The following DLG2 variants were observed in gnomAD, a reference collection of about 807,000 sequenced individuals.
DLG2 encodes discs large MAGUK scaffold protein 2.
A neutral mutation model predicts 132.5 loss-of-function variants in DLG2; 45 were observed. The ratio of observed to expected loss-of-function variants is 0.34; its 90% CI spans 0.27 to 0.44. The LOEUF is 0.44. DLG2 is among the 20% of genes least tolerant of loss of function. The pLI is 1.00. For synonymous variants in DLG2, 424 were observed against 419.6 expected (o/e 1.01, Z -0.13); for missense variants, 1,045 against 1,196.9 (o/e 0.87, Z 1.87).
intron 6 of DLG2, among the ~76,000 whole-genome samples, chr11:84,617,309 T>G (rs2099606222): frequency 6.6e-6 from 1 of 152,146 alleles, no homozygotes; most frequent in Non-Finnish European, 1.5e-5. Context: ...GCAAAAGACA[T>G]GAACTCATCC....
chr11:83,830,446 CAG>C (rs915818326), intron 17 of DLG2, among the ~76,000 whole-genome samples: 1 of 152,122 alleles, frequency 6.6e-6, no homozygotes, highest in Admixed American at 6.5e-5. Flanking sequence ...TTTATTTAAA[CAG>C]AGTTAGAGAG....
At chr11:83,742,436 A>G (rs1296238600) in intron 18 of DLG2, among the ~76,000 whole-genome samples, 1 of 152,128 alleles carries the variant, frequency 6.6e-6, no homozygotes, top group African/African-American at 2.4e-5. Context: ...TTAGCAGGAG[A>G]AGGTTAATTT....
At chr11:85,293,447 A>G (rs2079034699) in intron 3 of DLG2, among the ~76,000 whole-genome samples, 1 of 152,184 alleles carries the variant, frequency 6.6e-6, no homozygotes, top group South Asian at 2.1e-4. Context: ...AAATAGTACA[A>G]ACTGGCACGG....
chr11:84,751,369 TAA>T (rs2066089838), intron 6 of DLG2, among the ~76,000 whole-genome samples: 1 of 152,112 alleles, frequency 6.6e-6, no homozygotes, highest in Non-Finnish European at 1.5e-5. Flanking sequence ...ACAAAGCTTT[TAA>T]GATTTCAAGC....
At chr11:85,192,815 G>A (rs116677142) in intron 4 of DLG2, among the ~76,000 whole-genome samples, 7 of 152,166 alleles carry the variant, frequency 4.6e-5, no homozygotes, top group East Asian at 1.9e-4. Context: ...AAACCGGCAC[G>A]GTAATAGCAT....
rs146537730 is a variant in DLG2 at position 84,831,558 on chromosome 11, T to C, written c.357+280103A>G. 6.6e-3 allele frequency among the ~76,000 whole-genome samples: 1,006 copies of C among 151,712 alleles called. 16 individuals are homozygous for C. Among genetic ancestry groups the C allele is most frequent in the African/African-American group, 0.023 (967 of 41,466 alleles). ...AACTGACTTCAAAACTTATGTTCTC[T>C]TCACTTTACAGGAAAAAATTAAAGG... On this transcript the variant is annotated intron_variant, in intron 6 of 27. Transcript: ENST00000376104.
intron 3 of DLG2, among the ~76,000 whole-genome samples, chr11:85,493,006 TA>T (rs769086139): frequency 2.1e-3 from 305 of 147,010 alleles, no homozygotes; most frequent in Middle Eastern, 0.014. Context: ...CTCCAAGCTA[TA>T]AAAAAAAAAG....
intron 2 of DLG2, among the ~76,000 whole-genome samples, chr11:85,612,321 AG>A (rs2153274824): frequency 6.6e-6 from 1 of 152,346 alleles, no homozygotes; most frequent in South Asian, 2.1e-4. Flanking sequence ...TATCATACGA[AG>A]GTCTGACCAG....
At chr11:85,191,950 G>A (rs914799312) in intron 4 of DLG2, among the ~76,000 whole-genome samples, 1 of 151,912 alleles carries the variant, frequency 6.6e-6, no homozygotes, top group Non-Finnish European at 1.5e-5. Flanking sequence ...CAAGTAATGC[G>A]GTTACCTTAA....
chr11:83,906,148 ATAAATAGTTTTG>A, intron 15 of DLG2, among the ~76,000 whole-genome samples: 1 of 150,274 alleles, frequency 6.7e-6, no homozygotes, highest in East Asian at 2.0e-4. Flanking sequence ...AATAAAAGTT[ATAAATAGTTTTG>A]TGAATAGTTC....
intron 15 of DLG2, among the ~76,000 whole-genome samples, chr11:83,923,281 T>C (rs2078290491): frequency 6.6e-6 from 1 of 152,148 alleles, no homozygotes; most frequent in South Asian, 2.1e-4. Flanking sequence ...TGAAAATTCA[T>C]TTGCTCAATT....
chr11:84,285,916 T>C (rs1459734428), intron 7 of DLG2, among the ~76,000 whole-genome samples: 1 of 152,274 alleles, frequency 6.6e-6, no homozygotes, highest in East Asian at 1.9e-4. Flanking sequence ...AATGAATGAA[T>C]TTCATTCTCA....
chr11:84,628,092 A>G (rs546886458), intron 6 of DLG2, among the ~76,000 whole-genome samples: 1 of 129,520 alleles, frequency 7.7e-6, no homozygotes, highest in Non-Finnish European at 1.7e-5. Context: ...ATATATGTAC[A>G]CACATATATA....
intron 17 of DLG2, among the ~76,000 whole-genome samples, chr11:83,795,724 G>C (rs1168341922): frequency 2.0e-5 from 3 of 152,026 alleles, no homozygotes; most frequent in Admixed American, 1.3e-4. Context: ...TTGAATAAAT[G>C]ATGATTCTCT....
chr11:83,855,584 G>A (rs1019029045), intron 16 of DLG2, among the ~76,000 whole-genome samples: 2 of 152,128 alleles, frequency 1.3e-5, no homozygotes, highest in African/African-American at 4.8e-5. Context: ...GCTACATACT[G>A]TATTATTCCA....
intron 3 of DLG2, among the ~76,000 whole-genome samples, chr11:85,579,326 C>T (rs2078360922): frequency 6.6e-6 from 1 of 151,970 alleles, no homozygotes; most frequent in African/African-American, 2.4e-5. Flanking sequence ...GTACAACAAA[C>T]CCCCATGATA....
intron 3 of DLG2, among the ~76,000 whole-genome samples, chr11:85,405,572 T>C (rs1030538607): frequency 6.6e-6 from 1 of 152,030 alleles, no homozygotes; most frequent in African/African-American, 2.4e-5. Context: ...GACACTATGC[T>C]AAATATTCCA....
At chr11:83,609,787 T>C (rs531209279) in intron 19 of DLG2, among the ~76,000 whole-genome samples, 4 of 152,322 alleles carry the variant, frequency 2.6e-5, no homozygotes, top group Non-Finnish European at 4.4e-5. Flanking sequence ...ACTAGCCATG[T>C]TGGAGCCCTA....
intron 7 of DLG2, among the ~76,000 whole-genome samples, chr11:84,377,492 T>A (rs1184503155): frequency 6.6e-6 from 1 of 151,970 alleles, no homozygotes; most frequent in African/African-American, 2.4e-5. Flanking sequence ...TTGGTAACTT[T>A]CTAGGTGATT....
Sources: gnomAD v4.1 joint callset for allele counts (sites outside exome capture counted in the v4.1 genomes callset) on GRCh38, gnomAD v4.1.1 for gene constraint, MANE v1.5 for transcripts, NCBI Gene and HGNC (gene_info 2026-07-23, HGNC 2026-07-21) for gene names.